Variants in NTRK1 observed in about 807,000 individuals in gnomAD.
NTRK1 encodes the protein high affinity nerve growth factor receptor.
A neutral mutation model predicts 86.8 loss-of-function variants in NTRK1; 62 were observed. That is an observed-to-expected ratio of 0.71 (90% CI 0.58 to 0.88). NTRK1 has a LOEUF of 0.88. Among genes scored for constraint, NTRK1 ranks in the 40% least tolerant of loss-of-function variants. NTRK1 has a pLI of 0.00. For missense variants in NTRK1, 967 were observed against 1,078.4 expected (o/e 0.90, Z 1.45); for synonymous variants, 469 against 456.6 (o/e 1.03, Z -0.35).
intron 1 of NTRK1, among the ~76,000 whole-genome samples, chr1:156,831,863 C>A (rs996456015): frequency 6.6e-6 from 1 of 152,198 alleles, no homozygotes; most frequent in Non-Finnish European, 1.5e-5. Context: ...CTCTTCCCTC[C>A]TCCATCGTGG....
intron 2 of NTRK1, chr1:156,845,873 C>T (rs534062373): frequency 6.6e-5 from 105 of 1,600,264 alleles, no homozygotes; most frequent in Admixed American, 8.6e-5. Flanking sequence ...TCTGATCCCC[C>T]CCACCTGCCG....
At chr1:156,845,186 C>A in intron 2 of NTRK1, 1 of 1,609,152 alleles carries the variant, frequency 6.2e-7, no homozygotes, top group Admixed American at 1.7e-5. Flanking sequence ...GTGGCGCAGG[C>A]CGCTCAGCAC....
At position 156,831,719 on chromosome 1, in the gene NTRK1, T is replaced by G. The variant is rs1214455888; in HGVS notation, c.-63-10362T>G. On this transcript the variant is annotated intron_variant, in intron 1 of 16. Transcript: ENST00000392302. ...GGCTCCAGATGTTCTGAGGGACCCA[T>G]GAAGCTGAAGGTATCACAGGAACTA... Among the ~76,000 whole-genome samples the G allele has an allele frequency of 4.6e-5, 7 of 152,200 alleles. No homozygotes were observed. The East Asian group carries it at 1.4e-3, about 29-fold the overall frequency.
intron 1 of NTRK1, among the ~76,000 whole-genome samples, chr1:156,829,661 CTTTTTTT>C (rs963398604): frequency 1.3e-5 from 2 of 151,182 alleles, no homozygotes; most frequent in Admixed American, 1.3e-4. Context: ...TTTCTTTTTT[CTTTTTTT>C]TTGAGACAGA....
Position 156,881,735 on chromosome 1 carries a change from A to C in NTRK1, c.*93A>C. The stretch of plus-strand genomic sequence containing the variant: ...CTCCCAGCAGCCCCAGGGTGATCTC[A>C]AAGTATCTAATTCACCCTCAGCATG... On this transcript the variant is annotated 3_prime_UTR_variant, in exon 17 of 17. Coordinates refer to ENST00000524377, the MANE Select transcript of NTRK1 (RefSeq NM_002529.4). 8.8e-5 allele frequency: 111 copies of C among 1,268,286 alleles called. No homozygotes were observed. The highest frequency in any genetic ancestry group is 1.1e-4 in the Non-Finnish European group (106 of 934,402). 78.6% of individuals were successfully genotyped at this position (1,268,286 alleles called of 1,614,324 possible). A position where few individuals can be genotyped will look rare whatever the true frequency, so the allele number is the denominator to read the frequency against.
intron 1 of NTRK1, among the ~76,000 whole-genome samples, chr1:156,834,863 A>G (rs1410378619): frequency 2.0e-5 from 3 of 152,128 alleles, no homozygotes; most frequent in Non-Finnish European, 2.9e-5. Flanking sequence ...GTGGGAGCCC[A>G]GTGAGGAAGA....
At position 156,854,063 on chromosome 1, in the gene NTRK1, A is replaced by C; in HGVS notation, c.51-10291A>C. 1 of 1,614,114 alleles carries C rather than the reference A, an allele frequency of 6.2e-7. No individual in the cohort carries two copies. The highest frequency in any genetic ancestry group is 1.6e-4 in the Middle Eastern group (1 of 6,062). On this transcript the variant is annotated intron_variant, in intron 2 of 16. Transcript: ENST00000392302. This position sits in a 1 kb window ranked among gnomAD's most constrained non-coding sequence, Gnocchi z 4.2. ...GATGACCAGTGCATAGCCCAGGAAGAGGCGCGTCCCGCGGATGACTGCTAG... is the reference window on the plus strand; with the variant it reads ...GATGACCAGTGCATAGCCCAGGAAGCGGCGCGTCCCGCGGATGACTGCTAG...
At chr1:156,845,701 CCTGACCAGGAGGTGGGTG>C in intron 2 of NTRK1, 2 of 1,613,480 alleles carry the variant, frequency 1.2e-6, no homozygotes, top group Non-Finnish European at 1.7e-6. Flanking sequence ...GGGGGCAGAA[CCTGACCAGGAGGTGGGTG>C]CTGGCAAGGG....
chr1:156,850,530 C>CTTTTTTT (rs1558089282), intron 2 of NTRK1, among the ~76,000 whole-genome samples: 1 of 107,150 alleles, frequency 9.3e-6, no homozygotes, highest in African/African-American at 3.9e-5. Flanking sequence ...TAATTTAAAA[C>CTTTTTTT]ATTCTTTTTT....
intron 1 of NTRK1, among the ~76,000 whole-genome samples, chr1:156,822,031 G>T (rs182584167): frequency 1.3e-5 from 2 of 152,166 alleles, no homozygotes; most frequent in African/African-American, 4.8e-5. Context: ...CAGCTTTGAC[G>T]TCAGGCAGCT....
chr1:156,840,213 G>A (rs1371053320), intron 1 of NTRK1: 3 of 153,982 alleles, frequency 1.9e-5, no homozygotes, highest in African/African-American at 7.2e-5. Context: ...GGGAGGGACT[G>A]AAGAAAGGGT....
At chr1:156,851,396 C>A in intron 2 of NTRK1, 1 of 1,614,180 alleles carries the variant, frequency 6.2e-7, no homozygotes, top group South Asian at 1.1e-5. Context: ...ATGGTTTCTA[C>A]CAGCCCCAGG....
chr1:156,881,736 A>C lies in NTRK1; in HGVS notation c.*94A>C. On this transcript the variant is annotated 3_prime_UTR_variant, in exon 17 of 17. Transcript: ENST00000524377. ...TCCCAGCAGCCCCAGGGTGATCTCA[A>C]AGTATCTAATTCACCCTCAGCATGT... 3.1e-6 allele frequency: 4 copies of C among 1,276,890 alleles called. No homozygotes were observed. Among genetic ancestry groups the C allele is most frequent in the Non-Finnish European group, 4.2e-6 (4 of 942,208 alleles). The allele number at this position is 1,276,890 out of a possible 1,614,324, so 79.1% of individuals were successfully genotyped here.
At chr1:156,872,829 C>T (rs1647638716) in intron 7 of NTRK1, among the ~76,000 whole-genome samples, 1 of 151,940 alleles carries the variant, frequency 6.6e-6, no homozygotes, top group Non-Finnish European at 1.5e-5. Flanking sequence ...GCGCCCTCCA[C>T]CACGCCCAGC....
chr1:156,841,632 TC>T (rs763035973), intron 1 of NTRK1: 2 of 1,610,688 alleles, frequency 1.2e-6, no homozygotes, highest in African/African-American at 2.7e-5. Flanking sequence ...CGCCTCCACA[TC>T]CCTGGAGCCC....
intron 2 of NTRK1, chr1:156,845,506 G>T (rs1654963467): frequency 6.0e-6 from 9 of 1,490,456 alleles, no homozygotes; most frequent in Non-Finnish European, 8.0e-6. Flanking sequence ...CCCACAACCC[G>T]GGACCCGCCC....
chr1:156,874,168 T>A (rs1242277978), intron 8 of NTRK1: 1 of 902,682 alleles, frequency 1.1e-6, no homozygotes, highest in Non-Finnish European at 1.8e-6. Context: ...CCTTGTCGGC[T>A]GGCTGAGGAG....
At position 156,876,583 on chromosome 1, in the gene NTRK1, C is replaced by A; in HGVS notation, c.1805+11C>A. ...CAACCGCTTCCTCCGGTACCAGCAC[C>A]TGGCCTCAGCGCTGGCCCCGGCCCC... On this transcript the variant is annotated intron_variant, in intron 14 of 16. Transcript: ENST00000524377. The A allele has an allele frequency of 1.2e-6, 2 of 1,608,272 alleles. No individual in the cohort carries two copies. Among genetic ancestry groups the A allele is most frequent in the Non-Finnish European group, 1.7e-6 (2 of 1,178,116 alleles).
intron 1 of NTRK1, among the ~76,000 whole-genome samples, chr1:156,821,216 C>CA (rs112656871): frequency 0.033 from 4,973 of 152,202 alleles, 323 homozygotes; most frequent in African/African-American, 0.11. Flanking sequence ...CTGAATGTAT[C>CA]AGATCTAGGA....
Sources: gnomAD v4.1 joint callset for allele counts (sites outside exome capture counted in the v4.1 genomes callset) on GRCh38, gnomAD v4.1.1 for gene constraint, Gnocchi (gnomAD v3.1) non-coding constraint, MANE v1.5 for transcripts, NCBI Gene and HGNC (gene_info 2026-07-23, HGNC 2026-07-21) for gene names.